Variants in SASH1 observed in about 807,000 individuals in gnomAD.
SASH1 encodes SAM and SH3 domain-containing protein 1.
A neutral mutation model predicts 125.2 loss-of-function variants in SASH1; 44 were observed. The observed-to-expected ratio is 0.35, with a 90% CI of 0.28 to 0.45. SASH1 has a LOEUF of 0.45. Ranked by LOEUF, SASH1 falls within the 20% of genes least tolerant of loss-of-function variation. The pLI is 1.00. For missense variants in SASH1, 1,426 were observed against 1,614.5 expected (o/e 0.88, Z 2.00); for synonymous variants, 639 against 649.1 (o/e 0.98, Z 0.24).
At chr6:148,305,385 A>T (rs1442672546) in intron 1 of SASH1, among the ~76,000 whole-genome samples, 1 of 151,998 alleles carries the variant, frequency 6.6e-6, no homozygotes, top group African/African-American at 2.4e-5. Context: ...AGGCGGGGGG[A>T]TCATGAGGTC....
Position 148,543,994 on chromosome 6 carries a change from G to A in SASH1, c.2524G>A (p.Asp842Asn), listed in dbSNP as rs898993656. 1 of 1,614,146 alleles carries A rather than the reference G, an allele frequency of 6.2e-7. No individual in the cohort carries two copies. Among genetic ancestry groups the A allele is most frequent in the Admixed American group, 1.7e-5 (1 of 60,018 alleles). The change falls in exon 18 of 20, where the codon GAC (aspartate) becomes AAC (asparagine). Residue 842 changes from aspartate (D) to asparagine (N), a missense_variant. Asp to Asn is a conservative substitution (Grantham distance 23, BLOSUM62 1). Around this residue, in one of 3 missense-constraint regions of SASH1, gnomAD observed 634 missense variants for 694.4 expected, o/e 0.91. Transcript: ENST00000367467. The stretch of plus-strand genomic sequence containing the variant: ...TTGGCCCCGATCCCATTCCCTGGAT[G>A]ACCTTCAAGTGGAGCCTGGTGCTGA... ...DTWPRSHSLDDLQVEPGAEQD... is the reference protein window; with the variant it reads ...DTWPRSHSLDNLQVEPGAEQD...
At chr6:148,512,589 C>A in intron 8 of SASH1, 1 of 985,152 alleles carries the variant, frequency 1.0e-6, no homozygotes. Context: ...TCAAACCAGA[C>A]AAAACCATTT....
intron 1 of SASH1, among the ~76,000 whole-genome samples, chr6:148,345,407 T>C (rs1035481948): frequency 3.9e-5 from 6 of 152,182 alleles, no homozygotes. Flanking sequence ...AAATATGTAC[T>C]TCAGCTAATC....
At chr6:148,400,104 T>G (rs1784114477) in intron 2 of SASH1, among the ~76,000 whole-genome samples, 2 of 152,204 alleles carry the variant, frequency 1.3e-5, no homozygotes, top group South Asian at 4.1e-4. Context: ...GCAGTGAATG[T>G]TTGCTTATTT....
chr6:148,272,273 C>T (rs1779079835), upstream of SASH1: 1 of 453,252 alleles, frequency 2.2e-6, no homozygotes, highest in Admixed American at 2.4e-5. Flanking sequence ...CATTTAGAGC[C>T]TTACATCAGT....
intron 2 of SASH1, among the ~76,000 whole-genome samples, chr6:148,435,613 T>G (rs531125146): frequency 6.6e-6 from 1 of 152,230 alleles, no homozygotes; most frequent in South Asian, 2.1e-4. Flanking sequence ...TGCTCAAGAT[T>G]GAGCAACAGT....
the SASH1 span, among the ~76,000 whole-genome samples, chr6:148,217,079 G>A: frequency 1.2e-4 from 18 of 152,068 alleles, no homozygotes; most frequent in African/African-American, 3.9e-4. Context: ...TCCAAGCACC[G>A]CTAGAGACTT....
chr6:148,383,488 G>A (rs1210494193), intron 1 of SASH1, among the ~76,000 whole-genome samples: 2 of 152,140 alleles, frequency 1.3e-5, no homozygotes, highest in Admixed American at 6.5e-5. Context: ...TCTCAACTTT[G>A]GGGAGTTAGA....
the SASH1 span, among the ~76,000 whole-genome samples, chr6:148,254,026 T>C: frequency 1.3e-5 from 2 of 151,904 alleles, no homozygotes; most frequent in Non-Finnish European, 2.9e-5. Context: ...GACAACATGG[T>C]GGAACTCCAT....
chr6:148,393,031 G>C (rs1331190127), intron 2 of SASH1, among the ~76,000 whole-genome samples: 9 of 144,708 alleles, frequency 6.2e-5, no homozygotes, highest in Middle Eastern at 7.0e-3. Flanking sequence ...CTGAATTCTT[G>C]AATGTTTCAA....
chr6:148,216,059 A>G, the SASH1 span, among the ~76,000 whole-genome samples: 1 of 152,042 alleles, frequency 6.6e-6, no homozygotes, highest in African/African-American at 2.4e-5. Flanking sequence ...AGATTTCACC[A>G]TGTTGGCCAG....
chr6:148,222,481 C>T, the SASH1 span, among the ~76,000 whole-genome samples: 1 of 152,068 alleles, frequency 6.6e-6, no homozygotes, highest in Non-Finnish European at 1.5e-5. Flanking sequence ...ATGCCCTGTG[C>T]ACTTCAAATC....
At chr6:148,200,565 G>T in the SASH1 span, among the ~76,000 whole-genome samples, 1 of 152,224 alleles carries the variant, frequency 6.6e-6, no homozygotes, top group Non-Finnish European at 1.5e-5. Context: ...TGCGTGCCAA[G>T]GCGAGGTGAT....
chr6:148,271,252 TA>T (rs2128502557), upstream of SASH1, among the ~76,000 whole-genome samples: 1 of 152,272 alleles, frequency 6.6e-6, no homozygotes, highest in African/African-American at 2.4e-5. Flanking sequence ...GCCTAATGGT[TA>T]TGTTAGCACA....
At chr6:148,535,851 C>T (rs1197984352) in intron 16 of SASH1, among the ~76,000 whole-genome samples, 1 of 152,086 alleles carries the variant, frequency 6.6e-6, no homozygotes, top group Non-Finnish European at 1.5e-5. Context: ...ATTTCTGTTG[C>T]TAAAAGACAC....
chr6:148,390,419 C>T (rs1783654164), intron 2 of SASH1, among the ~76,000 whole-genome samples, 157 bp downstream of exon 2: 1 of 152,148 alleles, frequency 6.6e-6, no homozygotes, highest in African/African-American at 2.4e-5. Context: ...AAAAGACTGG[C>T]CCAGTTCTGC....
intron 1 of SASH1, 33 bp from the exon 2 acceptor site, chr6:148,390,101 G>T: frequency 1.2e-6 from 2 of 1,610,390 alleles, no homozygotes; most frequent in South Asian, 2.2e-5. Flanking sequence ...AGGGTGGACT[G>T]ACCTGACCGC....
chr6:148,359,570 T>G (rs917982114), intron 1 of SASH1, among the ~76,000 whole-genome samples: 19 of 152,220 alleles, frequency 1.2e-4, no homozygotes, highest in Non-Finnish European at 2.8e-4. Context: ...ATTGTTAAAA[T>G]GACAACAAAG....
chr6:148,305,956 G>C (rs1325143237), intron 1 of SASH1, among the ~76,000 whole-genome samples: 1 of 152,224 alleles, frequency 6.6e-6, no homozygotes, highest in Non-Finnish European at 1.5e-5. Context: ...ATGAGTGCTT[G>C]AGGTGATGAG....
Sources: gnomAD v4.1 joint callset for allele counts (sites outside exome capture counted in the v4.1 genomes callset) on GRCh38, gnomAD v4.1.1 for gene constraint, gnomAD v4.1.1 regional missense constraint, MANE v1.5 for transcripts, NCBI Gene and HGNC (gene_info 2026-07-23, HGNC 2026-07-21) for gene names.